GRIP1: variants seen among roughly 807,000 people sequenced by gnomAD.
GRIP1 encodes the protein glutamate receptor-interacting protein 1.
Under a neutral mutation model 129.9 loss-of-function variants are expected in GRIP1, and 45 were observed. The observed-to-expected ratio is 0.35, with a 90% CI of 0.27 to 0.44. The LOEUF is 0.44. GRIP1 is among the 20% of genes least tolerant of loss of function. The pLI is 1.00. For synonymous variants in GRIP1, 530 were observed against 520.8 expected, an observed-to-expected ratio of 1.02 and a Z score of -0.24; for missense variants, 1,196 against 1,396.8, an observed-to-expected ratio of 0.86 and a Z score of 2.29.
At chr12:66,429,507 G>A (rs1435100189) in intron 14 of GRIP1, among the ~76,000 whole-genome samples, 5 of 151,892 alleles carry the variant, frequency 3.3e-5, no homozygotes, top group Non-Finnish European at 1.5e-5. Flanking sequence ...GACCAGCCTG[G>A]GCAACACAGT....
chr12:66,396,043 C>T (rs2056774606), intron 16 of GRIP1, among the ~76,000 whole-genome samples: 2 of 152,222 alleles, frequency 1.3e-5, no homozygotes, highest in African/African-American at 4.8e-5. Flanking sequence ...ATTACATGTA[C>T]TTTGCAGCCC....
intron 2 of GRIP1, among the ~76,000 whole-genome samples, chr12:66,573,261 G>T (rs1341453249): frequency 6.6e-6 from 1 of 152,038 alleles, no homozygotes; most frequent in Non-Finnish European, 1.5e-5. Flanking sequence ...GGGTGCGCCT[G>T]GGAGTAGATC....
intron 1 of GRIP1, among the ~76,000 whole-genome samples, chr12:67,057,632 TAACAACAACAAC>T (rs892463566): frequency 3.3e-5 from 5 of 151,922 alleles, no homozygotes; most frequent in African/African-American, 1.2e-4. Context: ...CTGTGAGCAA[TAACAACAACAAC>T]AACAACAAAA....
chr12:66,614,993 GTTCCT>G (rs1236504507), intron 1 of GRIP1, among the ~76,000 whole-genome samples: 1 of 152,028 alleles, frequency 6.6e-6, no homozygotes, highest in African/African-American at 2.4e-5. Flanking sequence ...CCTTTCCCAA[GTTCCT>G]ATCCATTAAC....
intron 11 of GRIP1, among the ~76,000 whole-genome samples, chr12:66,450,302 TCAAAAAA>T (rs2058750390): frequency 6.3e-5 from 1 of 15,762 alleles, no homozygotes; most frequent in Non-Finnish European, 1.0e-4. Context: ...AGACTCCATC[TCAAAAAA>T]AAAAAAAAAA....
chr12:66,555,725 TA>T (rs1410943528), intron 2 of GRIP1, among the ~76,000 whole-genome samples: 1 of 152,092 alleles, frequency 6.6e-6, no homozygotes, highest in Non-Finnish European at 1.5e-5. Flanking sequence ...GAGATTCAAA[TA>T]ATTAAAAAGA....
chr12:66,911,638 T>G, intron 1 of GRIP1, among the ~76,000 whole-genome samples: 1 of 152,228 alleles, frequency 6.6e-6, no homozygotes, highest in Admixed American at 6.5e-5. Context: ...ATCAAGAAAA[T>G]AGTATGTAGA....
intron 2 of GRIP1, among the ~76,000 whole-genome samples, chr12:66,553,925 A>C (rs564201862): frequency 6.6e-6 from 1 of 152,156 alleles, no homozygotes; most frequent in East Asian, 1.9e-4. Context: ...GACAAGCCCC[A>C]CCACAGTGGA....
chr12:66,917,436 A>G (rs1214558425), intron 1 of GRIP1, among the ~76,000 whole-genome samples: 2 of 152,246 alleles, frequency 1.3e-5, no homozygotes, highest in African/African-American at 2.4e-5. Flanking sequence ...AAAAAGCCTT[A>G]TCAAAGAGCA....
At position 66,377,269 on chromosome 12, in the gene GRIP1, C is replaced by T; in HGVS notation, c.2638G>A (p.Asp880Asn). The T allele has an allele frequency of 3.1e-6, 5 of 1,611,188 alleles. No homozygotes were observed. The highest frequency in any genetic ancestry group is 4.2e-6 in the Non-Finnish European group (5 of 1,177,360). The change falls in exon 21 of 25, where the codon GAT (aspartate) becomes AAT (asparagine). Residue 880 changes from aspartate (D) to asparagine (N), a missense_variant. Transcript: ENST00000359742. The stretch of plus-strand genomic sequence containing the variant: ...TCCTCTTGTTCTGTCTCTGCACTAT[C>T]GGCAGCCCCTGCAAAACTGTTGTCA... ...STASGFAGAA[D>N]SAETEQEENF... is the part of the protein sequence containing the mutation.
At position 66,432,648 on chromosome 12, in the gene GRIP1, G is replaced by C. The variant is rs1565732083; in HGVS notation, c.1688-20C>G. 1 of 1,412,900 alleles carries C rather than the reference G, an allele frequency of 7.1e-7. No homozygotes were observed. Among genetic ancestry groups the C allele is most frequent in the Non-Finnish European group, 1.0e-6 (1 of 998,826 alleles). 87.5% of individuals were successfully genotyped at this position (1,412,900 alleles called of 1,614,324 possible). On this transcript the variant is annotated intron_variant, in intron 13 of 24. Coordinates refer to ENST00000359742, the MANE Select transcript of GRIP1 (RefSeq NM_001366722.1). ...CAGACTCTAATATCAAAACAAAAAA[G>C]AATGTGTTAATAGAACACTGAGGAC... is the stretch of plus-strand genomic sequence containing the variant.
At chr12:66,946,653 T>C (rs2041672094) in intron 1 of GRIP1, among the ~76,000 whole-genome samples, 1 of 151,522 alleles carries the variant, frequency 6.6e-6, no homozygotes, top group Admixed American at 6.6e-5. Context: ...TTTGAAAGAC[T>C]GCACTGCACA....
intron 1 of GRIP1, among the ~76,000 whole-genome samples, chr12:66,928,530 T>C (rs949383308): frequency 6.6e-6 from 1 of 151,252 alleles, no homozygotes; most frequent in African/African-American, 2.4e-5. Flanking sequence ...TTCATTCATT[T>C]AAAAAAAAAG....
chr12:67,066,233 A>C (rs2043622562), intron 1 of GRIP1, among the ~76,000 whole-genome samples: 1 of 152,148 alleles, frequency 6.6e-6, no homozygotes, highest in Non-Finnish European at 1.5e-5. Context: ...TACATAGAAC[A>C]ACCAAGCCTC....
intron 1 of GRIP1, among the ~76,000 whole-genome samples, chr12:67,068,805 A>G (rs1310760210): frequency 6.8e-6 from 1 of 147,382 alleles, no homozygotes; most frequent in Non-Finnish European, 1.5e-5. Context: ...CCCCAAGCGA[A>G]AAGTTCCCTG....
At chr12:66,941,969 C>T in intron 1 of GRIP1, among the ~76,000 whole-genome samples, 1 of 152,180 alleles carries the variant, frequency 6.6e-6, no homozygotes, top group Non-Finnish European at 1.5e-5. Flanking sequence ...GTTGCAGGCA[C>T]TACCCATAGA....
At chr12:66,887,045 G>A (rs1038286571) in intron 1 of GRIP1, among the ~76,000 whole-genome samples, 33 of 152,194 alleles carry the variant, frequency 2.2e-4, no homozygotes, top group African/African-American at 8.0e-4. Context: ...TTCAAATCTG[G>A]AAAGTTGGGG....
intron 1 of GRIP1, among the ~76,000 whole-genome samples, chr12:66,670,491 G>A (rs1375189201): frequency 6.6e-6 from 1 of 152,192 alleles, no homozygotes; most frequent in Non-Finnish European, 1.5e-5. Flanking sequence ...TGCAGGCTCA[G>A]ATTTGCAGGG....
intron 1 of GRIP1, among the ~76,000 whole-genome samples, chr12:67,016,010 A>T (rs1450205693): frequency 6.6e-6 from 1 of 152,188 alleles, no homozygotes; most frequent in Non-Finnish European, 1.5e-5. Flanking sequence ...TTAAGGACAC[A>T]ATAGCATTTA....
Sources: gnomAD v4.1 joint callset for allele counts (sites outside exome capture counted in the v4.1 genomes callset) on GRCh38, gnomAD v4.1.1 for gene constraint, MANE v1.5 for transcripts, NCBI Gene and HGNC (gene_info 2026-07-23, HGNC 2026-07-21) for gene names.